SLC2A9: variants seen among roughly 807,000 people sequenced by gnomAD.
SLC2A9 encodes the protein solute carrier family 2, facilitated glucose transporter member 9.
SLC2A9 carries 39 observed loss-of-function variants against 50.6 expected under a neutral mutation model. The ratio of observed to expected loss-of-function variants is 0.77; its 90% CI spans 0.60 to 1.01. SLC2A9 has a LOEUF of 1.01. Ranked by LOEUF, SLC2A9 falls within the 50% of genes least tolerant of loss-of-function variation. The pLI, the probability that SLC2A9 is intolerant of heterozygous loss-of-function variation, is 0.00. For synonymous variants in SLC2A9, 324 were observed against 276.9 expected, an observed-to-expected ratio of 1.17 and a Z score of -1.69; for missense variants, 686 against 677.6, an observed-to-expected ratio of 1.01 and a Z score of -0.14.
intron 2 of SLC2A9, 136 bp downstream of exon 2, chr4:10,018,838 TG>T: frequency 1.3e-6 from 1 of 765,330 alleles, no homozygotes; most frequent in Non-Finnish European, 2.1e-6. Context: ...CTCCCCCGAG[TG>T]GGGGCTAATC....
rs1176844122 is a variant in SLC2A9, at chr4:9,941,953, G to A, written c.774C>T (p.Tyr258=). The A allele has an allele frequency of 1.2e-6, 2 of 1,614,214 alleles. No homozygotes were observed. Among genetic ancestry groups the A allele is most frequent in the Non-Finnish European group, 1.7e-6 (2 of 1,180,030 alleles). The change falls in exon 6 of 12, where the codon TAC becomes TAT. Residue 258 remains tyrosine (Y), a synonymous_variant. Coordinates refer to ENST00000264784, the MANE Select transcript of SLC2A9 (RefSeq NM_020041.3). ...CCTCGTTGTGCTTCTCCAAGAGCAG[G>A]TAGCGTGGGCTGTCCGGGAGAAAGG... ...SLPFLPDSPR[Y]LLLEKHNEAR...
At chr4:9,890,472 G>A in intron 9 of SLC2A9, 138 bp downstream of exon 9, 2 of 831,830 alleles carry the variant, frequency 2.4e-6, no homozygotes, top group South Asian at 1.5e-5. Context: ...CTCCAGAGAT[G>A]AGATGTCCCC....
At chr4:9,867,482 A>G (rs1436915719) in intron 10 of SLC2A9, among the ~76,000 whole-genome samples, 1 of 152,198 alleles carries the variant, frequency 6.6e-6, no homozygotes, top group Non-Finnish European at 1.5e-5. Flanking sequence ...TACTCAATAA[A>G]TAGTATTGGT....
chr4:9,794,164 G>T (rs200496396), downstream of SLC2A9, among the ~76,000 whole-genome samples: 34,040 of 136,746 alleles, frequency 0.25, 4,415 homozygotes, highest in East Asian at 0.39. Flanking sequence ...TTTTGTGTGT[G>T]TGATATGGAG....
rs112678514 is a variant in SLC2A9 at position 9,893,334 on chromosome 4, G to A, written c.1114-2623C>T. Among the ~76,000 whole-genome samples the A allele has an allele frequency of 6.7e-3, 1,018 of 151,356 alleles. 13 individuals carry two copies. The highest frequency in any genetic ancestry group is 0.023 in the African/African-American group (965 of 41,392). On this transcript the variant is annotated intron_variant, in intron 8 of 11. Coordinates refer to ENST00000264784, the MANE Select transcript of SLC2A9 (RefSeq NM_020041.3). ...TGGAAGAATACCTGACAGGTGTGGC[G>A]TAAGTGTTTGCTGAGGGAGGGAAGG...
downstream of SLC2A9, among the ~76,000 whole-genome samples, chr4:9,779,074 C>G (rs909546407): frequency 6.6e-6 from 1 of 152,050 alleles, no homozygotes; most frequent in African/African-American, 2.4e-5. Flanking sequence ...CTGGTCTCAT[C>G]ACACTTTCTA....
At chr4:9,853,784 T>A (rs764775109) in intron 10 of SLC2A9, among the ~76,000 whole-genome samples, 5 of 150,808 alleles carry the variant, frequency 3.3e-5, no homozygotes, top group Non-Finnish European at 7.4e-5. Context: ...AATAAAATTA[T>A]ACCAACCACA....
At chr4:9,950,038 C>A (rs1353416665) in intron 5 of SLC2A9, among the ~76,000 whole-genome samples, 1 of 152,148 alleles carries the variant, frequency 6.6e-6, no homozygotes, top group African/African-American at 2.4e-5. Flanking sequence ...GGGTGGGGAG[C>A]ATGTGGCTGG....
At chr4:9,782,802 G>A (rs753987990) in intron 3 of SLC2A9, 2 of 1,613,892 alleles carry the variant, frequency 1.2e-6, no homozygotes, top group East Asian at 2.2e-5. Context: ...CAGATCCGCA[G>A]GATTTCCTCC....
chr4:9,811,796 T>C lies in SLC2A9; in HGVS notation n.421-12555A>G, dbSNP rs1722932466. 2.0e-5 allele frequency among the ~76,000 whole-genome samples: 3 copies of C among 152,192 alleles called. 1 individual carries two copies. Among genetic ancestry groups the C allele is most frequent in the Admixed American group, 1.3e-4 (2 of 15,280 alleles). ...TGATACATTGGGAGGGAGAAGTTTT[T>C]TCCTCACTGAGGTGGCCAAGCTGAG... On this transcript the variant is annotated intron_variant and non_coding_transcript_variant, in intron 3 of 3. Coordinates refer to the SLC2A9 transcript ENST00000503280.
At chr4:10,009,770 T>G (rs1352449371) in intron 2 of SLC2A9, 1 of 152,256 alleles carries the variant, frequency 6.6e-6, no homozygotes, top group Non-Finnish European at 1.5e-5. Context: ...GTTAGACTCC[T>G]AAAGTTAAGT....
chr4:9,946,582 C>T (rs768482272), intron 5 of SLC2A9, among the ~76,000 whole-genome samples: 10 of 152,192 alleles, frequency 6.6e-5, no homozygotes, highest in African/African-American at 9.7e-5. Context: ...GCAAGCCCTA[C>T]CTTACACAGC....
chr4:9,840,573 C>T (rs1002068966), intron 10 of SLC2A9, among the ~76,000 whole-genome samples: 1 of 152,110 alleles, frequency 6.6e-6, no homozygotes, highest in African/African-American at 2.4e-5. Flanking sequence ...AGCCTTCCAC[C>T]TAGAGATGAT....
At chr4:9,775,266 G>A (rs371697515), downstream of SLC2A9, among the ~76,000 whole-genome samples, 81 of 152,262 alleles carry the variant, frequency 5.3e-4, 1 homozygote, top group East Asian at 0.011. Context: ...GGGGCCCAAC[G>A]GGGAGACTCT....
At chr4:10,033,764 G>A (rs1355207537) in intron 1 of SLC2A9, among the ~76,000 whole-genome samples, 1 of 152,210 alleles carries the variant, frequency 6.6e-6, no homozygotes, top group African/African-American at 2.4e-5. Context: ...TGGGGACGCT[G>A]AGGTGGGAAA....
chr4:9,920,845 C>T (rs565516089), intron 6 of SLC2A9, among the ~76,000 whole-genome samples: 138 of 152,356 alleles, frequency 9.1e-4, no homozygotes, highest in African/African-American at 3.2e-3. Context: ...CAACGCAAGG[C>T]AGAGCACACC....
At chr4:10,025,233 A>G (rs1763711674), upstream of SLC2A9, among the ~76,000 whole-genome samples, 1 of 152,204 alleles carries the variant, frequency 6.6e-6, no homozygotes, top group African/African-American at 2.4e-5. Context: ...AGATAATCCA[A>G]GGTTTAAGAA....
intron 3 of SLC2A9, among the ~76,000 whole-genome samples, chr4:9,804,336 G>A (rs184165954): frequency 5.9e-5 from 9 of 152,246 alleles, no homozygotes; most frequent in East Asian, 5.8e-4. Flanking sequence ...AGAGTTCACC[G>A]GGGCTTGGTT....
chr4:9,841,525 C>T (rs1728083461), intron 10 of SLC2A9, among the ~76,000 whole-genome samples: 3 of 152,278 alleles, frequency 2.0e-5, no homozygotes, highest in South Asian at 2.1e-4. Flanking sequence ...ATCTTTGACA[C>T]CTTTTCTTTT....
Sources: gnomAD v4.1 joint callset for allele counts (sites outside exome capture counted in the v4.1 genomes callset) on GRCh38, gnomAD v4.1.1 for gene constraint, MANE v1.5 for transcripts, NCBI Gene and HGNC (gene_info 2026-07-23, HGNC 2026-07-21) for gene names.